Variants in NRG1 observed in about 807,000 individuals in gnomAD.
NRG1 encodes the protein pro-neuregulin-1, membrane-bound isoform.
In NRG1, 18 loss-of-function variants were observed where a neutral mutation model predicts 63.8. The ratio of observed to expected loss-of-function variants is 0.28; its 90% CI spans 0.19 to 0.42. NRG1 has a LOEUF of 0.42. NRG1 is among the 10% of genes least tolerant of loss of function. The pLI is 1.00. For missense variants in NRG1, 762 were observed against 814.7 expected (o/e 0.94, Z 0.79); for synonymous variants, 302 against 301.3 (o/e 1.00, Z -0.02).
chr8:32,197,159 G>T (rs556328377), intron 1 of NRG1, among the ~76,000 whole-genome samples: 1 of 151,282 alleles, frequency 6.6e-6, no homozygotes, highest in African/African-American at 2.4e-5. Context: ...ATGGGATTTC[G>T]CCATAATGGC....
chr8:32,217,309 G>A (rs1464094678), intron 1 of NRG1, among the ~76,000 whole-genome samples: 2 of 151,602 alleles, frequency 1.3e-5, no homozygotes, highest in Non-Finnish European at 2.9e-5. Context: ...CTAAGAAAAG[G>A]GAGAGGTAAA....
intron 1 of NRG1, among the ~76,000 whole-genome samples, chr8:31,707,165 T>C (rs1281252056): frequency 6.6e-6 from 1 of 152,128 alleles, no homozygotes; most frequent in Non-Finnish European, 1.5e-5. Flanking sequence ...ACTTTTGTAT[T>C]ATCTTTAATA....
intron 1 of NRG1, among the ~76,000 whole-genome samples, chr8:32,154,594 T>C (rs552921490): frequency 2.3e-4 from 35 of 152,264 alleles, no homozygotes; most frequent in African/African-American, 7.0e-4. Flanking sequence ...CCCATTTTCC[T>C]ATGTAAAGCG....
At chr8:31,848,674 A>C (rs563639127) in intron 1 of NRG1, among the ~76,000 whole-genome samples, 2 of 152,132 alleles carry the variant, frequency 1.3e-5, no homozygotes, top group Non-Finnish European at 2.9e-5. Context: ...GCAAATTCTC[A>C]TAGAAGCATG....
intron 5 of NRG1, chr8:32,648,495 T>G (rs1016586734): frequency 6.9e-7 from 1 of 1,439,380 alleles, no homozygotes; most frequent in Non-Finnish European, 9.2e-7. Context: ...CTGGTTTTGT[T>G]TAAGCAAAGC....
At chr8:32,020,763 AT>A (rs1816302476) in intron 1 of NRG1, among the ~76,000 whole-genome samples, 1 of 152,214 alleles carries the variant, frequency 6.6e-6, no homozygotes, top group African/African-American at 2.4e-5. Flanking sequence ...ATACCTTTGT[AT>A]TTCACTTTCA....
intron 5 of NRG1, among the ~76,000 whole-genome samples, chr8:32,726,137 T>C (rs1822122353): frequency 6.6e-6 from 1 of 152,166 alleles, no homozygotes; most frequent in Non-Finnish European, 1.5e-5. Flanking sequence ...TATTTATCCA[T>C]AGTAATGATT....
intron 1 of NRG1, among the ~76,000 whole-genome samples, chr8:31,821,588 T>C (rs879597610): frequency 3.9e-5 from 6 of 152,290 alleles, no homozygotes; most frequent in Admixed American, 3.9e-4. Context: ...CCTTAAGTTC[T>C]TTTTGACAGT....
chr8:31,691,560 A>C (rs1202708843), intron 1 of NRG1, among the ~76,000 whole-genome samples: 1 of 122,130 alleles, frequency 8.2e-6, no homozygotes, highest in African/African-American at 3.0e-5. Flanking sequence ...GTGCCACTGC[A>C]CTCCAGCCTG....
chr8:32,222,558 C>G lies in NRG1; in HGVS notation c.38-373270C>G, dbSNP rs140156537. Among the ~76,000 whole-genome samples, 522 of 152,310 alleles carry G rather than the reference C, an allele frequency of 3.4e-3. 8 individuals carry two copies. The highest frequency in any genetic ancestry group is 0.012 in the African/African-American group (504 of 41,576). On this transcript the variant is annotated intron_variant, in intron 1 of 10. Coordinates refer to the NRG1 transcript ENST00000519301. Reference sequence around the variant, plus strand: ...ATCCTGTTTTCTCTGCCATCTCCCCCAGTTACACCCAGGGCAAGTCTATCT... The same window carrying G: ...ATCCTGTTTTCTCTGCCATCTCCCCGAGTTACACCCAGGGCAAGTCTATCT...
At chr8:31,844,155 T>C (rs1218274167) in intron 1 of NRG1, among the ~76,000 whole-genome samples, 1 of 152,202 alleles carries the variant, frequency 6.6e-6, no homozygotes, top group Non-Finnish European at 1.5e-5. Flanking sequence ...CTAACCCAAA[T>C]GCTCTGTTGC....
chr8:32,431,440 A>C (rs1027131043), intron 1 of NRG1, among the ~76,000 whole-genome samples: 1 of 151,624 alleles, frequency 6.6e-6, no homozygotes, highest in East Asian at 2.0e-4. Flanking sequence ...AGGGACACTC[A>C]CTCTCCATCA....
chr8:32,145,368 G>A (rs367673272), intron 1 of NRG1, among the ~76,000 whole-genome samples: 1 of 151,344 alleles, frequency 6.6e-6, no homozygotes, highest in African/African-American at 2.4e-5. Flanking sequence ...AAGATGAAGA[G>A]GGCACTTATA....
intron 1 of NRG1, among the ~76,000 whole-genome samples, chr8:31,736,810 A>G (rs1019944931): frequency 2.0e-5 from 3 of 152,200 alleles, no homozygotes; most frequent in African/African-American, 7.2e-5. Flanking sequence ...ACTCAAGTAG[A>G]TAAGTAGCAG....
chr8:32,117,973 A>G (rs1200550054), intron 1 of NRG1, among the ~76,000 whole-genome samples: 7 of 152,110 alleles, frequency 4.6e-5, no homozygotes, highest in East Asian at 1.9e-4. Context: ...AGAGAAATTC[A>G]TTTACTTTTA....
chr8:31,911,841 T>G (rs1384069010), intron 1 of NRG1, among the ~76,000 whole-genome samples: 1 of 152,208 alleles, frequency 6.6e-6, no homozygotes, highest in Non-Finnish European at 1.5e-5. Flanking sequence ...CTGTGGAATC[T>G]CTTGATTTGT....
chr8:32,622,388 T>TCC (rs1848490378), intron 5 of NRG1, among the ~76,000 whole-genome samples: 1 of 152,138 alleles, frequency 6.6e-6, no homozygotes, highest in African/African-American at 2.4e-5. Flanking sequence ...TCCTCTCCTC[T>TCC]TCTTTTCTGT....
At chr8:32,216,320 C>T (rs1420644807) in intron 1 of NRG1, among the ~76,000 whole-genome samples, 4 of 149,516 alleles carry the variant, frequency 2.7e-5, no homozygotes, top group Non-Finnish European at 5.9e-5. Flanking sequence ...CCCAAGCCAA[C>T]TTTAGGTTAT....
intron 1 of NRG1, among the ~76,000 whole-genome samples, chr8:32,149,364 G>A (rs553831970): frequency 1.1e-4 from 16 of 152,100 alleles, no homozygotes; most frequent in Admixed American, 3.3e-4. Flanking sequence ...GTGCACCCTC[G>A]GATGTCTGGC....
Sources: allele counts gnomAD v4.1 joint callset (sites outside exome capture counted in the v4.1 genomes callset), GRCh38; gene constraint gnomAD v4.1.1; transcripts MANE v1.5; gene names NCBI Gene and HGNC (gene_info 2026-07-23, HGNC 2026-07-21).